DDR2: variants seen among roughly 807,000 people sequenced by gnomAD.
The protein encoded by DDR2 is discoidin domain-containing receptor 2.
DDR2 carries 27 observed loss-of-function variants against 94.9 expected under a neutral mutation model. That is an observed-to-expected ratio of 0.28 (90% CI 0.21 to 0.39). The LOEUF (loss-of-function observed/expected upper bound fraction) is 0.39, where lower values mean the gene tolerates loss of function less well. Ranked by LOEUF, DDR2 falls within the 10% of genes least tolerant of loss-of-function variation. DDR2 has a pLI of 1.00. For synonymous variants in DDR2, 382 were observed against 377.2 expected, an observed-to-expected ratio of 1.01 and a Z score of -0.15; for missense variants, 783 against 1,076.0, an observed-to-expected ratio of 0.73 and a Z score of 3.81.
At chr1:162,713,746 AC>A (rs74473286) in intron 2 of DDR2, among the ~76,000 whole-genome samples, 9 of 55,198 alleles carry the variant, frequency 1.6e-4, no homozygotes, top group Non-Finnish European at 1.5e-4. Context: ...ACATTATCCT[AC>A]TGGTAGACAT....
At chr1:162,677,857 C>T (rs1251911672) in intron 2 of DDR2, among the ~76,000 whole-genome samples, 6 of 152,248 alleles carry the variant, frequency 3.9e-5, no homozygotes, top group Non-Finnish European at 8.8e-5. Context: ...TCAGCTTTCA[C>T]ATCTACTTTA....
chr1:162,688,354 C>T lies in DDR2; in HGVS notation c.-27-30683C>T, dbSNP rs555737537. ...ATGCCTGCTATTTTCTGGGTAATTC[C>T]CATGTGTTTTACACAGGTTAACTCT... On this transcript the variant is annotated intron_variant, in intron 2 of 17. Coordinates refer to ENST00000367921, the MANE Select transcript of DDR2 (RefSeq NM_006182.4). 2.6e-5 allele frequency among the ~76,000 whole-genome samples: 4 copies of T among 152,278 alleles called. No individual in the cohort carries two copies. The East Asian group carries it at 7.7e-4, about 29-fold the overall frequency.
At chr1:162,710,640 C>T (rs1660863325) in intron 2 of DDR2, among the ~76,000 whole-genome samples, 1 of 152,040 alleles carries the variant, frequency 6.6e-6, no homozygotes, top group Admixed American at 6.6e-5. Flanking sequence ...AGAGGAAAAA[C>T]AAGATTTAAA....
intron 2 of DDR2, among the ~76,000 whole-genome samples, chr1:162,663,979 T>C (rs1658426327): frequency 6.6e-6 from 1 of 152,010 alleles, no homozygotes; most frequent in Non-Finnish European, 1.5e-5. Context: ...GGAAACCCCC[T>C]AATAGATCAC....
chr1:162,679,736 T>G (rs1659310378), intron 2 of DDR2, among the ~76,000 whole-genome samples: 1 of 151,850 alleles, frequency 6.6e-6, no homozygotes, highest in South Asian at 2.1e-4. Context: ...CCACAATCGC[T>G]GAACTAATTT....
chr1:162,761,231 T>C lies in DDR2; in HGVS notation c.876T>C (p.Phe292=). The C allele has an allele frequency of 1.2e-6, 2 of 1,614,164 alleles. No homozygotes were observed. Among genetic ancestry groups the C allele is most frequent in the Non-Finnish European group, 8.5e-7 (1 of 1,180,016 alleles). The change falls in exon 9 of 18, where the codon TTT becomes TTC. Residue 292 remains phenylalanine, a synonymous_variant. Coordinates refer to ENST00000367921, the MANE Select transcript of DDR2 (RefSeq NM_006182.4). ...TTMKVHCNNM[F]AKGVKIFKEV... ...ACCAGGTCCACTGCAACAACATGTT[T>C]GCTAAAGGTGTGAAGATCTTTAAGG...
chr1:162,631,180 CATTGTGTGT>C (rs1656539268), upstream of DDR2, among the ~76,000 whole-genome samples: 1 of 113,334 alleles, frequency 8.8e-6, no homozygotes, highest in Non-Finnish European at 1.8e-5. Context: ...TGGCCACCCT[CATTGTGTGT>C]GTGTGTGTGT....
At chr1:162,766,319 A>G (rs544663376) in intron 10 of DDR2, among the ~76,000 whole-genome samples, 2 of 152,282 alleles carry the variant, frequency 1.3e-5, no homozygotes, top group African/African-American at 2.4e-5. Flanking sequence ...AAAGTTTGGG[A>G]ATTTGGGGTC....
intron 2 of DDR2, among the ~76,000 whole-genome samples, chr1:162,688,382 T>G (rs1157729825): frequency 6.6e-6 from 1 of 152,348 alleles, no homozygotes; most frequent in Non-Finnish European, 1.5e-5. Context: ...TTAACTCTAC[T>G]TCCTCTCATG....
intron 2 of DDR2, among the ~76,000 whole-genome samples, chr1:162,671,298 A>G (rs1047724552): frequency 6.6e-6 from 1 of 152,164 alleles, no homozygotes; most frequent in African/African-American, 2.4e-5. Context: ...TGCCCAGGAC[A>G]TTTATTTAAT....
At chr1:162,740,423 C>T (rs1214602046) in intron 3 of DDR2, among the ~76,000 whole-genome samples, 1 of 152,110 alleles carries the variant, frequency 6.6e-6, no homozygotes, top group Non-Finnish European at 1.5e-5. Flanking sequence ...CTCAAACCAC[C>T]TCCACAACAA....
chr1:162,739,948 T>C (rs1662507732), intron 3 of DDR2, among the ~76,000 whole-genome samples: 1 of 151,508 alleles, frequency 6.6e-6, no homozygotes, highest in African/African-American at 2.4e-5. Context: ...GCTTGAGTCG[T>C]TGAAAGAATG....
intron 2 of DDR2, among the ~76,000 whole-genome samples, chr1:162,664,435 A>G (rs1026172950): frequency 6.6e-6 from 1 of 152,176 alleles, no homozygotes; most frequent in Non-Finnish European, 1.5e-5. Flanking sequence ...ATACACAAAG[A>G]TTATACACAA....
intron 2 of DDR2, among the ~76,000 whole-genome samples, chr1:162,660,094 C>G (rs1194136626): frequency 6.6e-6 from 1 of 152,158 alleles, no homozygotes; most frequent in African/African-American, 2.4e-5. Context: ...CACAGAACTC[C>G]TGGTTTCTCC....
Position 162,759,790 on chromosome 1 carries a change from G to A in DDR2, c.672-6G>A, listed in dbSNP as rs775293379. 7 of 1,613,692 alleles carry A rather than the reference G, an allele frequency of 4.3e-6. No individual in the cohort carries two copies. The African/African-American group carries it at 6.7e-5, about 15-fold the overall frequency. On this transcript the variant is annotated splice_polypyrimidine_tract_variant and splice_region_variant and intron_variant, in intron 7 of 17. Coordinates refer to ENST00000367921, the MANE Select transcript of DDR2 (RefSeq NM_006182.4). ...CCTTTTCCTCCTCTTCTCCTGGCCTGAGCAGCATGACAGAAGGGCTAGGCC... is the reference window on the plus strand; with the variant it reads ...CCTTTTCCTCCTCTTCTCCTGGCCTAAGCAGCATGACAGAAGGGCTAGGCC...
Position 162,761,443 on chromosome 1 carries a change from C to T in DDR2, c.1088C>T (p.Thr363Ile). ...ACCTGGATGATGTTCAGTGAGATCA[C>T]CTTCCAATCAGGTAGGGAGCTCAGG... ...ADTWMMFSEITFQSDAAMYNN... is the reference protein window; with the variant it reads ...ADTWMMFSEIIFQSDAAMYNN... The change falls in exon 9 of 18, where the codon ACC becomes ATC. Residue 363 changes from threonine (T) to isoleucine (I), a missense_variant. Physicochemically the swap from Thr to Ile is moderately conservative, Grantham distance 89 (BLOSUM62 -1). This residue lies in a region of DDR2 where 519 missense variants were observed against 647.9 expected (regional missense o/e 0.80). Transcript: ENST00000367921. The T allele has an allele frequency of 1.2e-6, 2 of 1,614,144 alleles. No homozygotes were observed. Among genetic ancestry groups the T allele is most frequent in the Non-Finnish European group, 1.7e-6 (2 of 1,180,030 alleles).
intron 2 of DDR2, among the ~76,000 whole-genome samples, chr1:162,696,216 A>T (rs58741297): frequency 0.025 from 669 of 26,932 alleles, 6 homozygotes; most frequent in Middle Eastern, 0.11. Context: ...TTTTTTTTTA[A>T]AAAAAAAACA....
At chr1:162,755,572 G>T in intron 6 of DDR2, 92 bp from the exon 7 acceptor site, 1 of 1,260,394 alleles carries the variant, frequency 7.9e-7, no homozygotes, top group Non-Finnish European at 1.2e-6. Context: ...TGCTGGACAC[G>T]CTGTGCAAGC....
intron 4 of DDR2, among the ~76,000 whole-genome samples, chr1:162,753,727 G>A (rs1178123685): frequency 1.3e-5 from 2 of 152,172 alleles, no homozygotes; most frequent in East Asian, 3.9e-4. Context: ...ACAGAGTGTG[G>A]CAGTTTCCTG....
Sources: allele counts gnomAD v4.1 joint callset (sites outside exome capture counted in the v4.1 genomes callset), GRCh38; gene constraint gnomAD v4.1.1; regional missense constraint gnomAD v4.1.1; transcripts MANE v1.5; gene names NCBI Gene and HGNC (gene_info 2026-07-23, HGNC 2026-07-21).